The following NDST4 variants were observed in gnomAD, a reference collection of about 807,000 sequenced individuals.
NDST4 encodes N-deacetylase and N-sulfotransferase 4.
Under a neutral mutation model 100.8 loss-of-function variants are expected in NDST4, and 63 were observed. The observed-to-expected ratio is 0.62, with a 90% CI of 0.51 to 0.77. The LOEUF (loss-of-function observed/expected upper bound fraction) is 0.77. Ranked by LOEUF, NDST4 falls within the 30% of genes least tolerant of loss-of-function variation. The pLI, the probability that NDST4 is intolerant of heterozygous loss-of-function variation, is 0.00. For missense variants in NDST4, 943 were observed against 1,018.4 expected, an observed-to-expected ratio of 0.93 and a Z score of 1.01; for synonymous variants, 377 against 361.8, an observed-to-expected ratio of 1.04 and a Z score of -0.48.
intron 7 of NDST4, among the ~76,000 whole-genome samples, chr4:114,870,068 C>G (rs996512696): frequency 6.6e-6 from 1 of 151,916 alleles, no homozygotes. Flanking sequence ...TTTTGTGGGT[C>G]GATGTAATCT....
intron 1 of NDST4, among the ~76,000 whole-genome samples, chr4:115,097,220 C>T (rs374625910): frequency 1.3e-5 from 2 of 152,028 alleles, no homozygotes; most frequent in Non-Finnish European, 2.9e-5. Flanking sequence ...TCAAAGTTTA[C>T]GCTTCCAGCT....
intron 1 of NDST4, among the ~76,000 whole-genome samples, chr4:115,111,928 CAAT>C (rs1356092016): frequency 6.6e-6 from 1 of 151,786 alleles, no homozygotes; most frequent in African/African-American, 2.4e-5. Flanking sequence ...AAAATGTCAA[CAAT>C]AGTAGGCTTA....
chr4:114,959,389 T>C (rs991455026), intron 4 of NDST4, among the ~76,000 whole-genome samples: 2 of 152,038 alleles, frequency 1.3e-5, no homozygotes, highest in African/African-American at 4.8e-5. Flanking sequence ...GGGTAATTTG[T>C]AAAGAAAAAG....
chr4:114,999,134 A>C (rs1314733122), intron 2 of NDST4, among the ~76,000 whole-genome samples: 1 of 151,970 alleles, frequency 6.6e-6, no homozygotes, highest in African/African-American at 2.4e-5. Flanking sequence ...TCTATTTTTT[A>C]CTTATTTGCT....
In NDST4 at chr4:115,076,456, A is replaced by G; in HGVS notation, c.581T>C (p.Phe194Ser). Residue 194 changes from phenylalanine (F) to serine (S), a missense_variant, in exon 2 of 14, where the codon TTT becomes TCT. Physicochemically the swap from Phe to Ser is radical, Grantham distance 155. Coordinates refer to ENST00000264363, the MANE Select transcript of NDST4 (RefSeq NM_022569.3). The stretch of plus-strand genomic sequence containing the variant: ...CAGCAAAGGAGATTGAGGGTTAACA[A>G]AACAGTCCTTTAGAGCTAGATTATT... The part of the protein sequence containing the change: ...LFNNLALKDC[F>S]VNPQSPLLHI... The G allele has an allele frequency of 6.2e-7, 1 of 1,613,962 alleles. No individual in the cohort carries two copies.
At chr4:114,837,191 G>A (rs1723323188) in intron 11 of NDST4, among the ~76,000 whole-genome samples, 1 of 152,112 alleles carries the variant, frequency 6.6e-6, no homozygotes, top group African/African-American at 2.4e-5. Flanking sequence ...TGGAGGAGAA[G>A]AGGCATTCTG....
intron 2 of NDST4, among the ~76,000 whole-genome samples, chr4:115,030,025 T>C (rs1200102242): frequency 6.6e-6 from 1 of 150,832 alleles, no homozygotes; most frequent in East Asian, 1.9e-4. Flanking sequence ...TATTTTACCT[T>C]ATTGTGTAAT....
Position 114,879,574 on chromosome 4 carries a change from C to T in NDST4, c.1537-8624G>A, listed in dbSNP as rs142065666. Among the ~76,000 whole-genome samples the T allele has an allele frequency of 6.9e-4, 105 of 152,268 alleles. 1 individual carries two copies. In the East Asian group the frequency reaches 0.015, roughly 22 times the overall value. On this transcript the variant is annotated intron_variant, in intron 6 of 13. Transcript: ENST00000264363. ...TTTCCTGGCTATTCCCTCAGTCTCA[C>T]ATTACATTTTAATCTCCTTGAATAC...
At chr4:115,018,020 A>T (rs984125180) in intron 2 of NDST4, among the ~76,000 whole-genome samples, 1 of 152,002 alleles carries the variant, frequency 6.6e-6, no homozygotes, top group Non-Finnish European at 1.5e-5. Flanking sequence ...GTTAATATGG[A>T]TATATGTGAT....
chr4:114,875,087 T>C (rs1473611274), intron 6 of NDST4, among the ~76,000 whole-genome samples: 2 of 152,152 alleles, frequency 1.3e-5, no homozygotes, highest in African/African-American at 2.4e-5. Flanking sequence ...TCTTGTTCAA[T>C]GGATGAATTG....
rs143380256 is a variant in NDST4 at position 115,076,812 on chromosome 4, T to G, written c.225A>C (p.Lys75Asn). 1.8e-4 allele frequency: 298 copies of G among 1,613,904 alleles called. No individual in the cohort carries two copies. The highest frequency in any genetic ancestry group is 1.3e-3 in the South Asian group (120 of 91,074). The change falls in exon 2 of 14, where the codon AAA becomes AAC. Residue 75 changes from lysine (K) to asparagine (N), a missense_variant. By Grantham distance (94) the Lys-to-Asn change is moderately conservative. Coordinates refer to ENST00000264363, the MANE Select transcript of NDST4 (RefSeq NM_022569.3). ...CGAAGAGAAGGACAGTAGGGTCCGT[T>G]TTGGATGTGTCAATAGGTTTAACTG... ...LKTVKPIDTS[K>N]TDPTVLLFVE...
chr4:114,993,199 T>C (rs1727077923), intron 2 of NDST4, among the ~76,000 whole-genome samples: 1 of 151,898 alleles, frequency 6.6e-6, no homozygotes, highest in Non-Finnish European at 1.5e-5. Context: ...CTTTTTTAGA[T>C]GCTAAGATCC....
chr4:115,103,634 G>A (rs560535550), intron 1 of NDST4, among the ~76,000 whole-genome samples: 2 of 152,088 alleles, frequency 1.3e-5, no homozygotes, highest in South Asian at 2.1e-4. Flanking sequence ...TTTATCATAA[G>A]AGGCATACTC....
At chr4:115,102,704 C>CATTTTT (rs1729755585) in intron 1 of NDST4, among the ~76,000 whole-genome samples, 1 of 90,570 alleles carries the variant, frequency 1.1e-5, no homozygotes, top group Non-Finnish European at 1.9e-5. Context: ...TTCTGACTTC[C>CATTTTT]TTTTTTTTTT....
intron 6 of NDST4, among the ~76,000 whole-genome samples, chr4:114,918,285 A>C (rs996738244): frequency 6.6e-6 from 1 of 151,050 alleles, no homozygotes; most frequent in Non-Finnish European, 1.5e-5. Flanking sequence ...TGGGTGAAGG[A>C]GCAATCATGT....
intron 3 of NDST4, among the ~76,000 whole-genome samples, chr4:114,976,421 AG>A (rs1441703185): frequency 6.6e-6 from 1 of 152,032 alleles, no homozygotes; most frequent in African/African-American, 2.4e-5. Context: ...CAATTTTATT[AG>A]CATAGCTTTC....
At chr4:115,004,893 T>G (rs1727379926) in intron 2 of NDST4, among the ~76,000 whole-genome samples, 1 of 152,176 alleles carries the variant, frequency 6.6e-6, no homozygotes, top group Admixed American at 6.5e-5. Flanking sequence ...AATTTTCAGG[T>G]GAACACACAG....
intron 2 of NDST4, among the ~76,000 whole-genome samples, chr4:115,047,962 T>C (rs1942786390): frequency 1.3e-5 from 2 of 152,168 alleles, no homozygotes; most frequent in South Asian, 4.1e-4. Context: ...TGAGGTGCCA[T>C]TATGTGAAAC....
At chr4:115,013,279 A>AATATGAT (rs941226321) in intron 2 of NDST4, among the ~76,000 whole-genome samples, 6 of 146,828 alleles carry the variant, frequency 4.1e-5, no homozygotes, top group African/African-American at 1.5e-4. Flanking sequence ...CATTTACCCT[A>AATATGAT]ATATGATTAT....
Sources: allele counts gnomAD v4.1 joint callset (sites outside exome capture counted in the v4.1 genomes callset), GRCh38; gene constraint gnomAD v4.1.1; transcripts MANE v1.5; gene names NCBI Gene and HGNC (gene_info 2026-07-23, HGNC 2026-07-21).